LUZP2: variants seen among roughly 807,000 people sequenced by gnomAD.
The protein encoded by LUZP2 is leucine zipper protein 2.
A neutral mutation model predicts 51.6 loss-of-function variants in LUZP2; 52 were observed. That is an observed-to-expected ratio of 1.01 (90% CI 0.81 to 1.27). The LOEUF (loss-of-function observed/expected upper bound fraction) is 1.27. Among genes scored for constraint, LUZP2 ranks in the 50% most tolerant of loss-of-function variants. The probability of loss-of-function intolerance (pLI) is 0.00; values close to 1 mark genes in which losing one functional copy is unlikely to be tolerated. For synonymous variants in LUZP2, 154 were observed against 137.3 expected (o/e 1.12, Z -0.85); for missense variants, 436 against 395.4 (o/e 1.10, Z -0.87).
chr11:24,581,370 G>A (rs559793262), intron 1 of LUZP2, among the ~76,000 whole-genome samples: 46 of 152,140 alleles, frequency 3.0e-4, no homozygotes, highest in Admixed American at 2.9e-3. Flanking sequence ...ACATCAATGG[G>A]AATATGCAAA....
At chr11:24,609,623 G>A (rs1186920494) in intron 1 of LUZP2, among the ~76,000 whole-genome samples, 4 of 148,644 alleles carry the variant, frequency 2.7e-5, no homozygotes, top group African/African-American at 5.0e-5. Flanking sequence ...CCAGCTACTC[G>A]GAAGGCTGAG....
intron 1 of LUZP2, among the ~76,000 whole-genome samples, chr11:24,706,626 T>C (rs530252225): frequency 1.8e-4 from 27 of 152,164 alleles, no homozygotes; most frequent in Non-Finnish European, 3.2e-4. Context: ...AATTGATGGA[T>C]AATGATGAGG....
chr11:25,064,255 A>C (rs1172613090), intron 10 of LUZP2, among the ~76,000 whole-genome samples: 1 of 152,016 alleles, frequency 6.6e-6, no homozygotes, highest in African/African-American at 2.4e-5. Context: ...ATTGGCATTC[A>C]TATTTAAAAC....
chr11:24,543,539 C>T (rs768310892), intron 1 of LUZP2, among the ~76,000 whole-genome samples: 5 of 151,796 alleles, frequency 3.3e-5, no homozygotes, highest in African/African-American at 9.7e-5. Flanking sequence ...TTGCTATGAG[C>T]GAGGAAATAG....
At chr11:24,631,259 C>T (rs1854879309) in intron 1 of LUZP2, among the ~76,000 whole-genome samples, 1 of 151,564 alleles carries the variant, frequency 6.6e-6, no homozygotes, top group Non-Finnish European at 1.5e-5. Context: ...GCATTGTTGT[C>T]TTGTTCTAGA....
intron 1 of LUZP2, among the ~76,000 whole-genome samples, chr11:24,505,038 T>C (rs1850107061): frequency 6.6e-6 from 1 of 152,128 alleles, no homozygotes; most frequent in South Asian, 2.1e-4. Flanking sequence ...TGAAAACGAG[T>C]AAGACTGAAA....
intron 1 of LUZP2, among the ~76,000 whole-genome samples, chr11:24,544,102 C>T (rs886449004): frequency 2.0e-5 from 3 of 151,778 alleles, no homozygotes; most frequent in Admixed American, 1.3e-4. Flanking sequence ...TTCCAACTTC[C>T]GGTGCTGAGG....
At chr11:24,528,020 G>A (rs1850869238) in intron 1 of LUZP2, among the ~76,000 whole-genome samples, 1 of 151,122 alleles carries the variant, frequency 6.6e-6, no homozygotes, top group African/African-American at 2.4e-5. Flanking sequence ...TCTTTGCAGA[G>A]GTCTTTCTAA....
chr11:24,872,174 A>T (rs529501690), intron 5 of LUZP2, among the ~76,000 whole-genome samples: 1 of 152,172 alleles, frequency 6.6e-6, no homozygotes, highest in African/African-American at 2.4e-5. Context: ...TCAATTTCTT[A>T]TATTAGAGTA....
At chr11:24,992,483 C>G (rs79831459) in intron 9 of LUZP2, among the ~76,000 whole-genome samples, 1,744 of 152,142 alleles carry the variant, frequency 0.011, 34 homozygotes, top group African/African-American at 0.039. Context: ...AATTGAATTA[C>G]CTGAAGCATA....
At chr11:25,065,955 A>T (rs1858986642) in intron 10 of LUZP2, among the ~76,000 whole-genome samples, 1 of 151,948 alleles carries the variant, frequency 6.6e-6, no homozygotes, top group Non-Finnish European at 1.5e-5. Flanking sequence ...AATTTCATCC[A>T]TCTTCTCTGT....
intron 5 of LUZP2, among the ~76,000 whole-genome samples, chr11:24,810,975 G>A (rs1298229955): frequency 6.6e-6 from 1 of 152,114 alleles, no homozygotes; most frequent in South Asian, 2.1e-4. Flanking sequence ...TCAACTGGGA[G>A]TTCATGACAA....
chr11:24,545,003 CATT>C (rs1851494867), intron 1 of LUZP2, among the ~76,000 whole-genome samples: 1 of 151,990 alleles, frequency 6.6e-6, no homozygotes, highest in Non-Finnish European at 1.5e-5. Flanking sequence ...GATGATATCT[CATT>C]GTGGTTTTGA....
chr11:24,798,464 TG>T (rs2134110366), intron 5 of LUZP2, among the ~76,000 whole-genome samples: 1 of 152,304 alleles, frequency 6.6e-6, no homozygotes, highest in Non-Finnish European at 1.5e-5. Context: ...CCCAAGTCTT[TG>T]GGATTACAGG....
At chr11:24,563,176 A>G (rs1005459932) in intron 1 of LUZP2, among the ~76,000 whole-genome samples, 7 of 152,178 alleles carry the variant, frequency 4.6e-5, no homozygotes, top group Non-Finnish European at 8.8e-5. Context: ...GGGTCTGACA[A>G]TTTCCTCTAT....
intron 10 of LUZP2, among the ~76,000 whole-genome samples, chr11:25,064,555 C>T (rs577808340): frequency 3.3e-5 from 5 of 152,200 alleles, no homozygotes; most frequent in African/African-American, 1.2e-4. Flanking sequence ...AACTTGAAAA[C>T]TAAATTAGCA....
At chr11:24,666,579 C>G (rs1349458019) in intron 1 of LUZP2, among the ~76,000 whole-genome samples, 1 of 152,050 alleles carries the variant, frequency 6.6e-6, no homozygotes, top group African/African-American at 2.4e-5. Flanking sequence ...GAGCTATTCT[C>G]AGACGATTTC....
chr11:24,755,162 A>AC (rs1418942831), intron 4 of LUZP2, among the ~76,000 whole-genome samples: 85 of 152,128 alleles, frequency 5.6e-4, no homozygotes, highest in African/African-American at 1.3e-3. Context: ...AGAAAAAAAA[A>AC]ACACACACAC....
intron 10 of LUZP2, among the ~76,000 whole-genome samples, chr11:25,071,999 T>C (rs1284445880): frequency 6.6e-6 from 1 of 152,124 alleles, no homozygotes; most frequent in Non-Finnish European, 1.5e-5. Flanking sequence ...ACTAAGCATA[T>C]TGATTTTATG....
Sources: allele counts gnomAD v4.1 joint callset (sites outside exome capture counted in the v4.1 genomes callset), GRCh38; gene constraint gnomAD v4.1.1; transcripts MANE v1.5; gene names NCBI Gene and HGNC (gene_info 2026-07-23, HGNC 2026-07-21).